The following MED13 variants were observed in gnomAD, a reference collection of about 807,000 sequenced individuals.
The protein encoded by MED13 is mediator complex subunit 13, also known as mediator of RNA polymerase II transcription subunit 13.
MED13 carries 23 observed loss-of-function variants against 225.2 expected under a neutral mutation model. That is an observed-to-expected ratio of 0.10 (90% CI 0.07 to 0.14). MED13 has a LOEUF of 0.14. Among genes scored for constraint, MED13 ranks in the 10% least tolerant of loss-of-function variants. The pLI, the probability that MED13 is intolerant of heterozygous loss-of-function variation, is 1.00. For missense variants in MED13, 2,197 were observed against 2,594.5 expected (o/e 0.85, Z 3.33); for synonymous variants, 942 against 889.2 (o/e 1.06, Z -1.06).
chr17:62,018,124 T>C (rs1159032303), intron 8 of MED13, among the ~76,000 whole-genome samples: 3 of 152,292 alleles, frequency 2.0e-5, no homozygotes, highest in East Asian at 1.9e-4. Context: ...CACTGCAATA[T>C]TTAGAATTTT....
At position 62,035,495 on chromosome 17, in the gene MED13, G is replaced by A. The variant is rs1291834811; in HGVS notation, c.584C>T (p.Thr195Ile). The A allele has an allele frequency of 1.2e-6, 2 of 1,612,890 alleles. No individual in the cohort carries two copies. Among genetic ancestry groups the A allele is most frequent in the Admixed American group, 1.7e-5 (1 of 59,984 alleles). ...TGGGCTATTAGACTGTTGAGCAAGG[G>A]TGATATGCTCTTCACTGAGAAGGTA... is the stretch of plus-strand genomic sequence containing the variant. ...PVYLLSEEHI[T>I]LAQQSNSPFQ... The change falls in exon 4 of 30, where the codon ACC (threonine) becomes ATC (isoleucine). Residue 195 changes from threonine (T) to isoleucine (I), a missense_variant. Physicochemically the swap from Thr to Ile is moderately conservative, Grantham distance 89 (BLOSUM62 -1). Around this residue, in one of 12 missense-constraint regions of MED13, gnomAD observed 884 missense variants for 918.5 expected, o/e 0.96. Transcript: ENST00000397786.
At chr17:62,045,612 G>C (rs557586218) in intron 3 of MED13, among the ~76,000 whole-genome samples, 1 of 152,204 alleles carries the variant, frequency 6.6e-6, no homozygotes, top group Non-Finnish European at 1.5e-5. Context: ...TTATAGAAGA[G>C]ACTAAAACCT....
chr17:61,957,982 A>C (rs2079963110), intron 23 of MED13, among the ~76,000 whole-genome samples: 1 of 151,742 alleles, frequency 6.6e-6, no homozygotes, highest in Admixed American at 6.6e-5. Context: ...CTCCTGCCTC[A>C]GCCTCCCGAG....
At chr17:62,027,442 A>G (rs2080713132) in intron 8 of MED13, among the ~76,000 whole-genome samples, 2 of 152,226 alleles carry the variant, frequency 1.3e-5, no homozygotes, top group Admixed American at 6.5e-5. Context: ...AAGATGGATT[A>G]AAGACTGAAA....
At position 62,052,566 on chromosome 17, in the gene MED13, A is replaced by G. The variant is rs757336477; in HGVS notation, c.441T>C (p.Tyr147=). The G allele has an allele frequency of 1.3e-6, 2 of 1,588,046 alleles. No homozygotes were observed. The highest frequency in any genetic ancestry group is 1.4e-5 in the African/African-American group (1 of 74,040). ...VRIGKWFVKP[Y]EKDEKPINKS... is the part of the protein sequence containing the mutation. ...TATTTATAGGTTTTTCATCTTTTTC[A>G]TAAGGCTTTACAAACCACTTGCCAA... Residue 147 remains tyrosine, a synonymous_variant, in exon 3 of 30, where the codon TAT becomes TAC. Coordinates refer to ENST00000397786, the MANE Select transcript of MED13 (RefSeq NM_005121.3).
intron 2 of MED13, among the ~76,000 whole-genome samples, chr17:62,062,582 C>T (rs1215185172): frequency 1.4e-5 from 1 of 72,362 alleles, no homozygotes; most frequent in Non-Finnish European, 2.4e-5. Flanking sequence ...CCTTAAAACA[C>T]ACACACACAC....
At chr17:62,012,554 TC>T (rs1344425690) in intron 8 of MED13, among the ~76,000 whole-genome samples, 2 of 151,912 alleles carry the variant, frequency 1.3e-5, no homozygotes, top group African/African-American at 2.4e-5. Flanking sequence ...GGTCCTGAAC[TC>T]CCGACCTCAG....
In MED13 at chr17:61,946,264, C is replaced by G; in HGVS notation, c.*204G>C. On this transcript the variant is annotated 3_prime_UTR_variant, in exon 30 of 30. Transcript: ENST00000397786. ...TTATAATACGTTTTGTATGATCAGT[C>G]ATCATCCTAAAGAGTTCAATAGAGT... The G allele has an allele frequency of 1.9e-6, 1 of 518,878 alleles. No homozygotes were observed. The highest frequency in any genetic ancestry group is 3.3e-6 in the Non-Finnish European group (1 of 304,130). The allele number at this position is 518,878 out of a possible 1,614,324, so 32.1% of individuals were successfully genotyped here.
chr17:62,030,675 G>A (rs888481465), intron 6 of MED13: 7 of 152,170 alleles, frequency 4.6e-5, no homozygotes, highest in African/African-American at 1.7e-4. Context: ...CCCCTCCATT[G>A]TAAAAAGCTC....
intron 5 of MED13, among the ~76,000 whole-genome samples, chr17:62,033,404 T>C (rs1253143289): frequency 6.6e-6 from 1 of 152,308 alleles, no homozygotes; most frequent in African/African-American, 2.4e-5. Context: ...CAGAATATAT[T>C]TCCCTGCCCC....
rs1207777463 is a variant in MED13, at chr17:61,966,472, T to G, written c.4371A>C (p.Arg1457Ser). 6.2e-7 allele frequency: 1 copy of G among 1,611,196 alleles called. No homozygotes were observed. The highest frequency in any genetic ancestry group is 8.5e-7 in the Non-Finnish European group (1 of 1,178,884). Residue 1457 changes from arginine (R) to serine (S), a missense_variant, in exon 19 of 30, where the codon AGA (arginine) becomes AGC (serine). Arg to Ser is a moderately radical substitution (Grantham distance 110). Transcript: ENST00000397786. Reference sequence around the variant, plus strand: ...ATACAAATTCAATACCTAGGTCATATCTGCAGACTTGTGCATAAAGCTTGA... The same window carrying G: ...ATACAAATTCAATACCTAGGTCATAGCTGCAGACTTGTGCATAAAGCTTGA... ...SKLKLYAQVC[R>S]YDLGPYLASL...
At position 61,965,278 on chromosome 17, in the gene MED13, A is replaced by G. The variant is rs1193488072; in HGVS notation, c.4572T>C (p.Thr1524=). Residue 1524 remains threonine, a synonymous_variant, in exon 20 of 30, where the codon ACT becomes ACC. Transcript: ENST00000397786. ...AAGTTGAATTAGCTGTGGCAACTGA[A>G]GTAGATATGGCAACACCTGAAGTCA... ...MTVTSGVAIS[T]SVATANSTLT... is the part of the protein sequence containing the mutation. 2 of 1,614,254 alleles carry G rather than the reference A, an allele frequency of 1.2e-6. No homozygotes were observed. Among genetic ancestry groups the G allele is most frequent in the Non-Finnish European group, 8.5e-7 (1 of 1,180,038 alleles).
intron 16 of MED13, among the ~76,000 whole-genome samples, chr17:61,974,673 C>A (rs548551488): frequency 6.6e-6 from 1 of 152,108 alleles, no homozygotes; most frequent in Non-Finnish European, 1.5e-5. Flanking sequence ...GGTACCAAGA[C>A]AACTTAAAGA....
At chr17:61,953,181 G>T in intron 26 of MED13, 68 bp from the exon 27 acceptor site, 2 of 1,473,450 alleles carry the variant, frequency 1.4e-6, no homozygotes, top group Non-Finnish European at 1.8e-6. Flanking sequence ...CACAGGAAAG[G>T]GTCAAAATAA....
At chr17:61,961,854 T>TA (rs2080003532) in intron 21 of MED13, 75 bp from the exon 22 acceptor site, 5 of 1,370,168 alleles carry the variant, frequency 3.6e-6, no homozygotes, top group Non-Finnish European at 5.1e-6. Context: ...TCTAAAACTC[T>TA]AAAAACTTTT....
chr17:62,055,551 G>A (rs550326716), intron 2 of MED13, among the ~76,000 whole-genome samples: 3 of 152,118 alleles, frequency 2.0e-5, no homozygotes, highest in South Asian at 2.1e-4. Context: ...GGCCATGTGC[G>A]GTGGCTCATG....
intron 8 of MED13, among the ~76,000 whole-genome samples, chr17:62,019,884 T>C (rs560654717): frequency 2.6e-5 from 4 of 151,646 alleles, no homozygotes; most frequent in African/African-American, 7.3e-5. Flanking sequence ...GCTGGGACTA[T>C]AGGCGCCCAC....
At chr17:62,004,570 TA>T (rs2143558238) in intron 9 of MED13, 1 of 152,272 alleles carries the variant, frequency 6.6e-6, no homozygotes, top group African/African-American at 2.4e-5. Context: ...CTGGTGTAGC[TA>T]AATCAGGAGA....
intron 8 of MED13, among the ~76,000 whole-genome samples, chr17:62,021,823 A>G (rs1272323961): frequency 6.6e-6 from 1 of 151,978 alleles, no homozygotes; most frequent in Admixed American, 6.6e-5. Context: ...CACATCACCC[A>G]CCTAGTTTAT....
Sources: allele counts gnomAD v4.1 joint callset (sites outside exome capture counted in the v4.1 genomes callset), GRCh38; gene constraint gnomAD v4.1.1; regional missense constraint gnomAD v4.1.1; transcripts MANE v1.5; gene names NCBI Gene and HGNC (gene_info 2026-07-23, HGNC 2026-07-21).